NALCN: variants seen among roughly 807,000 people sequenced by gnomAD.
NALCN encodes sodium leak channel, non-selective, also known as sodium leak channel NALCN.
In NALCN, 111 loss-of-function variants were observed where a neutral mutation model predicts 225.3. The observed-to-expected ratio is 0.49, with a 90% CI of 0.42 to 0.58. NALCN has a LOEUF of 0.58. NALCN is among the 20% of genes least tolerant of loss of function. The probability of loss-of-function intolerance (pLI) is 0.00; values close to 1 mark genes in which losing one functional copy is unlikely to be tolerated. For missense variants in NALCN, 1,378 were observed against 2,202.4 expected (o/e 0.63, Z 7.49); for synonymous variants, 764 against 769.0 (o/e 0.99, Z 0.11).
At chr13:101,180,308 C>G (rs530491560) in intron 14 of NALCN, 15 of 150,212 alleles carry the variant, frequency 1.0e-4, no homozygotes. Flanking sequence ...TGGGCTCAAG[C>G]GATCCTCCCA....
intron 22 of NALCN, among the ~76,000 whole-genome samples, chr13:101,106,102 T>C (rs1475745249): frequency 6.6e-6 from 1 of 152,202 alleles, no homozygotes; most frequent in Non-Finnish European, 1.5e-5. Context: ...GGGAAAACCC[T>C]GTTCCAGGGC....
At chr13:101,152,810 T>C (rs2037716725) in intron 15 of NALCN, among the ~76,000 whole-genome samples, 1 of 152,162 alleles carries the variant, frequency 6.6e-6, no homozygotes, top group Non-Finnish European at 1.5e-5. Context: ...ACACAGTTGT[T>C]TCCATCAGAG....
chr13:101,064,662 C>T (rs9585611), intron 40 of NALCN, among the ~76,000 whole-genome samples: 2,065 of 152,068 alleles, frequency 0.014, 48 homozygotes, highest in African/African-American at 0.048. Context: ...ACATTGGCAG[C>T]GCACCTCCAG....
intron 7 of NALCN, among the ~76,000 whole-genome samples, chr13:101,300,380 TTCCTTCCTTCCTTCCTTCCC>T: frequency 6.9e-6 from 1 of 145,206 alleles, no homozygotes; most frequent in South Asian, 2.3e-4. Context: ...CCTTCCTTCC[TTCCTTCCTTCCTTCCTTCCC>T]TCCTTCCTTC....
intron 3 of NALCN, among the ~76,000 whole-genome samples, chr13:101,389,135 A>T (rs567604091): frequency 6.6e-6 from 1 of 152,204 alleles, no homozygotes; most frequent in Non-Finnish European, 1.5e-5. Flanking sequence ...GCCTAGCCAC[A>T]TTGTGGAAGA....
intron 15 of NALCN, among the ~76,000 whole-genome samples, chr13:101,166,222 G>A (rs2038431808): frequency 6.6e-6 from 1 of 152,174 alleles, no homozygotes; most frequent in Non-Finnish European, 1.5e-5. Context: ...GTGCAAATAT[G>A]TCTTTGAGAT....
intron 15 of NALCN, among the ~76,000 whole-genome samples, chr13:101,174,199 C>T (rs550549257): frequency 1.8e-4 from 27 of 152,240 alleles, no homozygotes; most frequent in African/African-American, 6.5e-4. Flanking sequence ...TTCAGTCCAA[C>T]CATGAATAAA....
chr13:101,236,641 A>G (rs1378223180), intron 12 of NALCN, among the ~76,000 whole-genome samples: 1 of 151,818 alleles, frequency 6.6e-6, no homozygotes, highest in Non-Finnish European at 1.5e-5. Flanking sequence ...GGAAATCATC[A>G]TTCTCAGTAA....
At position 101,068,762 on chromosome 13, in the gene NALCN, A is replaced by G. The variant is rs750328239; in HGVS notation, c.4263T>C (p.Ala1421=). The change falls in exon 38 of 44, where the codon GCT becomes GCC. Residue 1421 remains alanine, a synonymous_variant. Transcript: ENST00000251127. ...TYWATDCGNY[A]GALMYFCSFY... ...ATGAACAGAAATACATAAGTGCCCC[A>G]GCATAATTTCCACAGTCTGTTGCCC... 1 of 1,612,942 alleles carries G rather than the reference A, an allele frequency of 6.2e-7. No individual in the cohort carries two copies. The highest frequency in any genetic ancestry group is 8.5e-7 in the Non-Finnish European group (1 of 1,179,560).
intron 13 of NALCN, among the ~76,000 whole-genome samples, chr13:101,204,730 C>T (rs2040248834): frequency 1.3e-5 from 2 of 152,036 alleles, no homozygotes; most frequent in Admixed American, 1.3e-4. Flanking sequence ...CTTTCCTTGG[C>T]TATGCTTGGG....
intron 7 of NALCN, among the ~76,000 whole-genome samples, chr13:101,293,673 G>C (rs963233134): frequency 6.6e-6 from 1 of 152,184 alleles, no homozygotes; most frequent in Non-Finnish European, 1.5e-5. Context: ...GCATGAGAAA[G>C]CAGAATCAGA....
chr13:101,055,379 G>A lies in NALCN; in HGVS notation c.5133C>T (p.Ser1711=). Residue 1711 remains serine (S), a synonymous_variant, in exon 44 of 44, where the codon TCC becomes TCT. Coordinates refer to ENST00000251127, the MANE Select transcript of NALCN (RefSeq NM_052867.4). ...CKMNPMTDAA[S]CGSEVKKWWT... is the part of the protein sequence containing the mutation. Reference sequence around the variant, plus strand: ...ACCACTTCTTAACTTCAGAACCGCAGGAAGCCGCGTCAGTCATGGGGTTCA... The same window carrying A: ...ACCACTTCTTAACTTCAGAACCGCAAGAAGCCGCGTCAGTCATGGGGTTCA... The A allele has an allele frequency of 6.2e-7, 1 of 1,614,144 alleles. No individual in the cohort carries two copies. The highest frequency in any genetic ancestry group is 8.5e-7 in the Non-Finnish European group (1 of 1,180,010).
intron 3 of NALCN, among the ~76,000 whole-genome samples, chr13:101,385,863 A>G (rs565147591): frequency 6.6e-6 from 1 of 152,320 alleles, no homozygotes. Context: ...TGGATTCAGC[A>G]TGCATCTTCT....
At chr13:101,161,966 C>T (rs1452073901) in intron 15 of NALCN, among the ~76,000 whole-genome samples, 4 of 152,176 alleles carry the variant, frequency 2.6e-5, no homozygotes, top group African/African-American at 9.7e-5. Context: ...TCCACACTTA[C>T]TCTATACCAC....
chr13:101,200,433 C>T (rs1018482629), intron 13 of NALCN, among the ~76,000 whole-genome samples: 2 of 152,134 alleles, frequency 1.3e-5, no homozygotes, highest in Admixed American at 6.6e-5. Context: ...AAACAGATAA[C>T]ATTTTTCCCC....
intron 13 of NALCN, among the ~76,000 whole-genome samples, chr13:101,192,505 T>C (rs1466709379): frequency 1.3e-5 from 2 of 152,280 alleles, no homozygotes; most frequent in South Asian, 2.1e-4. Context: ...CTTTCTATCA[T>C]ATTATTTTAG....
chr13:101,183,640 A>C (rs1415412389), intron 14 of NALCN, among the ~76,000 whole-genome samples: 1 of 152,028 alleles, frequency 6.6e-6, no homozygotes, highest in Non-Finnish European at 1.5e-5. Flanking sequence ...TTGTGTGTTT[A>C]GTAGACACAG....
Position 101,363,997 on chromosome 13 carries a change from C to T in NALCN, c.644+12703G>A, listed in dbSNP as rs138177364. 8.9e-3 allele frequency among the ~76,000 whole-genome samples: 1,351 copies of T among 152,134 alleles called. 12 individuals are homozygous for T. Among genetic ancestry groups the T allele is most frequent in the Non-Finnish European group, 0.014 (927 of 67,982 alleles). On this transcript the variant is annotated intron_variant, in intron 6 of 43. Coordinates refer to ENST00000251127, the MANE Select transcript of NALCN (RefSeq NM_052867.4). The stretch of plus-strand genomic sequence containing the variant: ...TATAAAAATGGTTAACATCACTAAT[C>T]ATCAGGGAAATGCAAATAAAAGCTA...
intron 4 of NALCN, among the ~76,000 whole-genome samples, chr13:101,378,288 T>C (rs2046749904): frequency 6.6e-6 from 1 of 152,144 alleles, no homozygotes; most frequent in Non-Finnish European, 1.5e-5. Flanking sequence ...TTGCTAATTA[T>C]GCAGATTTGA....
Sources: allele counts gnomAD v4.1 joint callset (sites outside exome capture counted in the v4.1 genomes callset), GRCh38; gene constraint gnomAD v4.1.1; transcripts MANE v1.5; gene names NCBI Gene and HGNC (gene_info 2026-07-23, HGNC 2026-07-21).